The following LARP7 variants were observed in gnomAD, a reference collection of about 807,000 sequenced individuals.
LARP7 encodes the protein La ribonucleoprotein 7, transcriptional regulator, also known as la-related protein 7.
A neutral mutation model predicts 69.3 loss-of-function variants in LARP7; 52 were observed. That is an observed-to-expected ratio of 0.75 (90% CI 0.60 to 0.95). The LOEUF is 0.95. Ranked by LOEUF, LARP7 falls within the 40% of genes least tolerant of loss-of-function variation. The pLI is 0.00. For synonymous variants in LARP7, 254 were observed against 215.9 expected (o/e 1.18, Z -1.55); for missense variants, 733 against 673.0 (o/e 1.09, Z -0.99).
chr4:112,653,272 A>G (rs200485012), intron 11 of LARP7, 36 bp downstream of exon 11: 2 of 1,512,376 alleles, frequency 1.3e-6, no homozygotes, highest in African/African-American at 1.4e-5. Context: ...TTTTTTTGTT[A>G]TCATCCTTAT....
At chr4:112,643,973 C>T (rs914850632) in intron 1 of LARP7, among the ~76,000 whole-genome samples, 2 of 151,380 alleles carry the variant, frequency 1.3e-5, no homozygotes, top group Non-Finnish European at 2.9e-5. Flanking sequence ...CCAGGCGCGG[C>T]GGCTCATGTC....
chr4:112,647,920 T>A, intron 8 of LARP7, 86 bp downstream of exon 8: 1 of 1,003,430 alleles, frequency 1.0e-6, no homozygotes, highest in Non-Finnish European at 1.6e-6. Context: ...TCAACAGAGT[T>A]GCATATTAGC....
chr4:112,650,332 CT>C, intron 9 of LARP7, 128 bp from the exon 10 acceptor site: 2 of 875,230 alleles, frequency 2.3e-6, no homozygotes, highest in Non-Finnish European at 3.4e-6. Context: ...TAATTGTTTA[CT>C]TTAAAATTAA....
At chr4:112,640,982 T>G (rs931456334) in intron 1 of LARP7, among the ~76,000 whole-genome samples, 20 of 152,146 alleles carry the variant, frequency 1.3e-4, no homozygotes, top group African/African-American at 4.3e-4. Context: ...AAAAGATGGT[T>G]GTTATGTTTG....
At chr4:112,646,977 A>T (rs1374913761) in intron 5 of LARP7, 22 bp downstream of exon 5, 2 of 1,575,624 alleles carry the variant, frequency 1.3e-6, no homozygotes, top group East Asian at 4.5e-5. Flanking sequence ...TCCTAAAAAA[A>T]AAAAAAGAAA....
At position 112,644,676 on chromosome 4, in the gene LARP7, A is replaced by G. The variant is rs2048095124; in HGVS notation, c.7A>G (p.Thr3Ala). Residue 3 changes from threonine (T) to alanine (A), a missense_variant, in exon 2 of 13, where the codon ACT (threonine) becomes GCT (alanine). Coordinates refer to ENST00000344442, the MANE Select transcript of LARP7 (RefSeq NM_016648.4). ME[T>A]ESGNQEKVME... The stretch of plus-strand genomic sequence containing the variant: ...TTTCTTGTAATTCACAGGAATGGAA[A>G]CTGAAAGTGGAAATCAGGAAAAGGT... 12 of 1,600,956 alleles carry G rather than the reference A, an allele frequency of 7.5e-6. No individual in the cohort carries two copies. Among genetic ancestry groups the G allele is most frequent in the East Asian group, 2.2e-5 (1 of 44,606 alleles).
Position 112,653,243 on chromosome 4 carries a change from C to G in LARP7, c.1576+7C>G. The stretch of plus-strand genomic sequence containing the variant: ...AAACTCGAGATCCTTTCTGGTAAAA[C>G]TTCATAGACGTTTCCTTTTTTTTTT... On this transcript the variant is annotated splice_region_variant and intron_variant, in intron 11 of 12. Coordinates refer to ENST00000344442, the MANE Select transcript of LARP7 (RefSeq NM_016648.4). 1.3e-6 allele frequency: 2 copies of G among 1,568,270 alleles called. No individual in the cohort carries two copies. Among genetic ancestry groups the G allele is most frequent in the Non-Finnish European group, 1.7e-6 (2 of 1,164,168 alleles).
chr4:112,656,851 A>C (rs937733444), intron 12 of LARP7, among the ~76,000 whole-genome samples: 28 of 152,206 alleles, frequency 1.8e-4, no homozygotes, highest in African/African-American at 6.3e-4. Flanking sequence ...ATTAGAATCT[A>C]TATTTTTTAG....
chr4:112,647,076 A>G lies in LARP7; in HGVS notation c.595A>G (p.Ile199Val), dbSNP rs368979221. 8 of 1,612,058 alleles carry G rather than the reference A, an allele frequency of 5.0e-6. No individual in the cohort carries two copies. Among genetic ancestry groups the G allele is most frequent in the Middle Eastern group, 1.7e-4 (1 of 6,058 alleles). Reference sequence around the variant, plus strand: ...AGAAGAAGCACCAAGAAAACCTGGCATATTTCCTAAAACAGTGAAAAATAA... The same window carrying G: ...AGAAGAAGCACCAAGAAAACCTGGCGTATTTCCTAAAACAGTGAAAAATAA... ...PPEEAPRKPGIFPKTVKNKPI... is the reference protein window; with the variant it reads ...PPEEAPRKPGVFPKTVKNKPI... Residue 199 changes from isoleucine to valine, a missense_variant, in exon 6 of 13, where the codon ATA becomes GTA. Coordinates refer to ENST00000344442, the MANE Select transcript of LARP7 (RefSeq NM_016648.4).
chr4:112,644,400 G>C (rs2048083075), intron 1 of LARP7: 1 of 794,888 alleles, frequency 1.3e-6, no homozygotes, highest in African/African-American at 1.8e-5. Context: ...GTGAGATAAA[G>C]GTGTAATTTT....
intron 1 of LARP7, among the ~76,000 whole-genome samples, chr4:112,639,910 A>G (rs1333833988): frequency 6.6e-6 from 1 of 152,152 alleles, no homozygotes; most frequent in Admixed American, 6.5e-5. Context: ...ATTATCAATT[A>G]TAGAATAATT....
rs184953760 is a variant in LARP7 at position 112,647,280 on chromosome 4, C to A, written c.728C>A (p.Thr243Lys). 1,025 of 1,613,680 alleles carry A rather than the reference C, an allele frequency of 6.4e-4. 1 individual carries two copies. Among genetic ancestry groups the A allele is most frequent in the Non-Finnish European group, 5.3e-4 (620 of 1,179,962 alleles). Reference sequence around the variant, plus strand: ...CAAGCCAAAGAAGAAAACATGGACACAAGCAACACCAGCATCAGTAAAATG... The same window carrying A: ...CAAGCCAAAGAAGAAAACATGGACAAAAGCAACACCAGCATCAGTAAAATG... ...NIQAKEENMD[T>K]SNTSISKMKR... The change falls in exon 7 of 13, where the codon ACA becomes AAA. Residue 243 changes from threonine to lysine, a missense_variant. Thr to Lys is a moderately conservative substitution (Grantham distance 78, BLOSUM62 -1). Transcript: ENST00000344442.
At chr4:112,647,576 A>G in intron 7 of LARP7, 27 bp downstream of exon 7, 2 of 1,345,632 alleles carry the variant, frequency 1.5e-6, no homozygotes, top group Non-Finnish European at 2.0e-6. Flanking sequence ...TTAATTAGAT[A>G]AAACTAATTA....
At chr4:112,656,470 A>T (rs558728266) in intron 12 of LARP7, among the ~76,000 whole-genome samples, 20 of 152,332 alleles carry the variant, frequency 1.3e-4, no homozygotes, top group African/African-American at 4.6e-4. Flanking sequence ...AAGATCAAGA[A>T]GATGAAGGAA....
intron 10 of LARP7, among the ~76,000 whole-genome samples, chr4:112,651,464 G>A (rs1461448244): frequency 6.6e-6 from 1 of 152,110 alleles, no homozygotes. Flanking sequence ...TCAGGAGACA[G>A]CTGAAAATTG....
rs2048666354 is a variant in LARP7, at chr4:112,650,364, A to G, written c.1295-97A>G. The G allele has an allele frequency of 4.2e-6, 5 of 1,179,470 alleles. No homozygotes were observed. In the African/African-American group the frequency reaches 7.7e-5, roughly 18 times the overall value. 73.1% of individuals were successfully genotyped at this position (1,179,470 alleles called of 1,614,324 possible). A position where few individuals can be genotyped will look rare whatever the true frequency, so the allele number is the denominator to read the frequency against. ...ATTAAATACGTTTTAAATTATTTAA[A>G]TCTGCCTCAGGAATTATTCTAAGGT... is the stretch of plus-strand genomic sequence containing the variant. On this transcript the variant is annotated intron_variant, in intron 9 of 12. Coordinates refer to ENST00000344442, the MANE Select transcript of LARP7 (RefSeq NM_016648.4).
chr4:112,644,945 CTTTTTT>C (rs58234206), intron 2 of LARP7, 74 bp downstream of exon 2: 10 of 168,214 alleles, frequency 5.9e-5, no homozygotes, highest in Non-Finnish European at 9.3e-5. Context: ...ATAATATATT[CTTTTTT>C]TTTTTTTTTT....
At chr4:112,649,486 TTTAC>T in intron 8 of LARP7, 45 bp from the exon 9 acceptor site, 1 of 1,454,962 alleles carries the variant, frequency 6.9e-7, no homozygotes, top group Non-Finnish European at 9.2e-7. Flanking sequence ...TATTTCCCTA[TTTAC>T]TTTTTATATT....
chr4:112,646,496 T>G, intron 3 of LARP7, 45 bp downstream of exon 3: 5 of 1,317,048 alleles, frequency 3.8e-6, no homozygotes, highest in Non-Finnish European at 5.3e-6. Context: ...AGTTTATAAT[T>G]ATAAAGAATG....
Sources: allele counts gnomAD v4.1 joint callset (sites outside exome capture counted in the v4.1 genomes callset), GRCh38; gene constraint gnomAD v4.1.1; transcripts MANE v1.5; gene names NCBI Gene and HGNC (gene_info 2026-07-23, HGNC 2026-07-21).